Variants in RNF187 observed in about 807,000 individuals in gnomAD.
The protein encoded by RNF187 is ring finger protein 187.
A neutral mutation model predicts 22.2 loss-of-function variants in RNF187; 18 were observed. The ratio of observed to expected loss-of-function variants is 0.81; its 90% CI spans 0.56 to 1.20. RNF187 has a LOEUF of 1.20. Among genes scored for constraint, RNF187 ranks in the 50% most tolerant of loss-of-function variants. RNF187 has a pLI of 0.00. For synonymous variants in RNF187, 164 were observed against 140.9 expected (o/e 1.16, Z -1.16); for missense variants, 329 against 317.6 (o/e 1.04, Z -0.27).
Position 228,487,732 on chromosome 1 carries a change from CCCGCGCGCGACGGCCCGGCCAGCGAGG to C in RNF187, c.251_277del (p.Arg84_Ala92del), listed in dbSNP as rs1658871007. ...GGCGCTCGAGGAGGCGGCCGCGGCG[CCCGCGCGCGACGGCCCGGCCAGCGAGG>C]CCGCGCTGCAGCTGCTGTGCCGCGC... On this transcript the variant is annotated inframe_deletion, in exon 1 of 4. Coordinates refer to ENST00000305943, the MANE Select transcript of RNF187 (RefSeq NM_001010858.3). The C allele has an allele frequency of 1.9e-6, 2 of 1,030,388 alleles. No individual in the cohort carries two copies. Among genetic ancestry groups the C allele is most frequent in the Non-Finnish European group, 2.3e-6 (2 of 861,276 alleles). 63.8% of individuals were successfully genotyped at this position (1,030,388 alleles called of 1,614,324 possible). A position where few individuals can be genotyped will look rare whatever the true frequency, so the allele number is the denominator to read the frequency against.
At chr1:228,487,964 C>T in intron 1 of RNF187, 86 bp downstream of exon 1, 21 of 848,870 alleles carry the variant, frequency 2.5e-5, no homozygotes, top group Non-Finnish European at 2.9e-5. Context: ...GCCCTGGGCC[C>T]TTCCCGTCTC....
intron 2 of RNF187, among the ~76,000 whole-genome samples, chr1:228,492,363 T>G: frequency 1.4e-5 from 2 of 145,052 alleles, no homozygotes; most frequent in Non-Finnish European, 3.0e-5. Context: ...TCTGTTATTG[T>G]TTTTTTTTTT....
chr1:228,492,675 G>T, intron 2 of RNF187, among the ~76,000 whole-genome samples: 2 of 135,642 alleles, frequency 1.5e-5, no homozygotes, highest in Non-Finnish European at 3.1e-5. Context: ...GCCCAGGCTG[G>T]AGTGCAGTAG....
chr1:228,492,307 C>T, intron 2 of RNF187, among the ~76,000 whole-genome samples: 2 of 152,108 alleles, frequency 1.3e-5, no homozygotes, highest in Non-Finnish European at 2.9e-5. Context: ...ACCTCAGCCT[C>T]CCAAAGTACT....
In RNF187 at chr1:228,494,044, A is replaced by C; in HGVS notation, c.*159A>C. On this transcript the variant is annotated 3_prime_UTR_variant, in exon 4 of 4. Coordinates refer to ENST00000305943, the MANE Select transcript of RNF187 (RefSeq NM_001010858.3). ...TTTCAACAATGTCCATTTATCCTTC[A>C]CCCCGAGGCGTGTTTTGGGGGCTGC... The C allele has an allele frequency of 6.5e-7, 1 of 1,527,800 alleles. No individual in the cohort carries two copies. The highest frequency in any genetic ancestry group is 1.2e-5 in the South Asian group (1 of 81,718). 94.6% of individuals were successfully genotyped at this position (1,527,800 alleles called of 1,614,324 possible).
In RNF187 at chr1:228,487,858, A is replaced by G; in HGVS notation, c.370A>G (p.Arg124Gly). ...GCCGCCCGAGTGGGAACCGCGCTGG[A>G]GGAAGGCGCTGCGCGGCAAGGTGCG... is the stretch of plus-strand genomic sequence containing the variant. Residue 124 changes from arginine (R) to glycine (G), a missense_variant, in exon 1 of 4, where the codon AGG (arginine) becomes GGG (glycine). Transcript: ENST00000305943. The G allele has an allele frequency of 1.6e-6, 2 of 1,228,748 alleles. No individual in the cohort carries two copies. The highest frequency in any genetic ancestry group is 3.7e-5 in the East Asian group (1 of 27,332). 76.1% of individuals were successfully genotyped at this position (1,228,748 alleles called of 1,614,324 possible).
Position 228,487,690 on chromosome 1 carries a change from C to G in RNF187, c.202C>G (p.Leu68Val). The change falls in exon 1 of 4, where the codon CTC becomes GTC. Residue 68 changes from leucine to valine, a missense_variant. Physicochemically the swap from Leu to Val is conservative, Grantham distance 32. Transcript: ENST00000305943. ...CGCCGTGGAGCCCGGCAGGCCCCCG[C>G]TCAGCCGCCGCCTTCTGGCGCTCGA... 1 of 1,077,322 alleles carries G rather than the reference C, an allele frequency of 9.3e-7. No individual in the cohort carries two copies. Among genetic ancestry groups the G allele is most frequent in the Non-Finnish European group, 1.1e-6 (1 of 890,152 alleles). 66.7% of individuals were successfully genotyped at this position (1,077,322 alleles called of 1,614,324 possible).
chr1:228,492,359 A>G, intron 2 of RNF187, among the ~76,000 whole-genome samples: 1 of 146,582 alleles, frequency 6.8e-6, no homozygotes, highest in African/African-American at 2.5e-5. Context: ...CTCTTCTGTT[A>G]TTGTTTTTTT....
At chr1:228,491,461 G>A in intron 2 of RNF187, among the ~76,000 whole-genome samples, 21 of 146,522 alleles carry the variant, frequency 1.4e-4, no homozygotes, top group South Asian at 8.6e-4. Flanking sequence ...TTTTTTTTGA[G>A]ATGGAGTCTT....
chr1:228,496,023 C>T lies in RNF187; in HGVS notation c.*2138C>T. Among the ~76,000 whole-genome samples the T allele has an allele frequency of 6.6e-6, 1 of 152,162 alleles. No homozygotes were observed. Among genetic ancestry groups the T allele is most frequent in the Non-Finnish European group, 1.5e-5 (1 of 68,032 alleles). The stretch of plus-strand genomic sequence containing the variant: ...CAGAGGGCCAACTGCGTACAGTACA[C>T]GGTTATCAGCTGAAGTCACCATGCT... On this transcript the variant is annotated 3_prime_UTR_variant, in exon 4 of 4. Transcript: ENST00000305943.
rs2149146463 is a variant in RNF187, at chr1:228,487,619, A to G, written c.131A>G (p.Asp44Gly). ...GTGGTGCGCTTCTGGGCCGAGGAGGACGGGCCCTTCCCGTGCCCCGAGTGC... is the reference window on the plus strand; with the variant it reads ...GTGGTGCGCTTCTGGGCCGAGGAGGGCGGGCCCTTCCCGTGCCCCGAGTGC... The change falls in exon 1 of 4, where the codon GAC becomes GGC. Residue 44 changes from aspartate to glycine, a missense_variant. By Grantham distance (94) the Asp-to-Gly change is moderately conservative (BLOSUM62 -1). Transcript: ENST00000305943. 1.6e-6 allele frequency: 2 copies of G among 1,243,222 alleles called. No homozygotes were observed. Among genetic ancestry groups the G allele is most frequent in the Non-Finnish European group, 2.0e-6 (2 of 979,046 alleles). 77.0% of individuals were successfully genotyped at this position (1,243,222 alleles called of 1,614,324 possible).
chr1:228,487,860 G>A lies in RNF187; in HGVS notation c.372G>A (p.Arg124=), dbSNP rs1355110662. 1.3e-4 allele frequency: 160 copies of A among 1,230,148 alleles called. No individual in the cohort carries two copies. The East Asian group carries it at 4.7e-3, about 36-fold the overall frequency. 76.2% of individuals were successfully genotyped at this position (1,230,148 alleles called of 1,614,324 possible). ...CGCCCGAGTGGGAACCGCGCTGGAG[G>A]AAGGCGCTGCGCGGCAAGGTGCGCG... Residue 124 remains arginine, a synonymous_variant, in exon 1 of 4, where the codon AGG becomes AGA. Transcript: ENST00000305943.
chr1:228,492,744 A>G lies in RNF187; in HGVS notation c.484-309A>G. ...TGGATTCAAGTGATTCACCTGCCTC[A>G]GCCTCCCGATTAGCTGGGATTACAG... On this transcript the variant is annotated intron_variant, in intron 2 of 3. Coordinates refer to ENST00000305943, the MANE Select transcript of RNF187 (RefSeq NM_001010858.3). 9.0e-3 allele frequency among the ~76,000 whole-genome samples: 1,321 copies of G among 146,544 alleles called. 11 individuals carry two copies. The highest frequency in any genetic ancestry group is 0.032 in the African/African-American group (1,266 of 39,178).
Position 228,493,859 on chromosome 1 carries a change from C to T in RNF187, c.706-24C>T. 2 of 1,551,352 alleles carry T rather than the reference C, an allele frequency of 1.3e-6. No individual in the cohort carries two copies. Among genetic ancestry groups the T allele is most frequent in the African/African-American group, 2.7e-5 (2 of 73,054 alleles). ...TCTCTTTCTCTTTTTGTCTCTCTGT[C>T]TTTCCCTCTCCCCTCCCATGCAGTG... On this transcript the variant is annotated intron_variant, in intron 3 of 3. Coordinates refer to ENST00000305943, the MANE Select transcript of RNF187 (RefSeq NM_001010858.3). This position sits in a 1 kb window ranked among gnomAD's most constrained non-coding sequence, Gnocchi z 4.7.
chr1:228,489,568 A>AT, intron 2 of RNF187, among the ~76,000 whole-genome samples: 5 of 151,268 alleles, frequency 3.3e-5, no homozygotes, highest in African/African-American at 4.9e-5. Context: ...CCAAAGTGCT[A>AT]TTTTTTTTTT....
intron 2 of RNF187, among the ~76,000 whole-genome samples, chr1:228,491,014 A>G: frequency 6.6e-6 from 1 of 152,154 alleles, no homozygotes; most frequent in South Asian, 2.1e-4. Context: ...GCAGCTGAGC[A>G]CTGCAGTGTA....
chr1:228,488,551 A>T, intron 1 of RNF187: 1 of 169,390 alleles, frequency 5.9e-6, no homozygotes, highest in Non-Finnish European at 1.3e-5. Flanking sequence ...AATACAGGGG[A>T]GGGGAAGCCA....
chr1:228,495,394 A>G lies in RNF187; in HGVS notation c.*1509A>G. The G allele has an allele frequency of 1.2e-6, 1 of 848,036 alleles. No individual in the cohort carries two copies. The allele number at this position is 848,036 out of a possible 1,614,324, so 52.5% of individuals were successfully genotyped here. A position where few individuals can be genotyped will look rare whatever the true frequency, so the allele number is the denominator to read the frequency against. ...AAATTAGGGTTCTTGCTAAAACTGGATTTCATAAGAAAGGGCAAAGAGGGC... is the reference window on the plus strand; with the variant it reads ...AAATTAGGGTTCTTGCTAAAACTGGGTTTCATAAGAAAGGGCAAAGAGGGC... On this transcript the variant is annotated 3_prime_UTR_variant, in exon 4 of 4. Transcript: ENST00000305943.
chr1:228,490,726 A>C, intron 2 of RNF187, among the ~76,000 whole-genome samples: 1 of 152,254 alleles, frequency 6.6e-6, no homozygotes, highest in Admixed American at 6.5e-5. Flanking sequence ...GAGTAAAATC[A>C]GAGTAGCATC....
Sources: allele counts gnomAD v4.1 joint callset (sites outside exome capture counted in the v4.1 genomes callset), GRCh38; gene constraint gnomAD v4.1.1; non-coding constraint Gnocchi (gnomAD v3.1); transcripts MANE v1.5; gene names NCBI Gene and HGNC (gene_info 2026-07-23, HGNC 2026-07-21).